Variants in AHI1 observed in about 807,000 individuals in gnomAD.
The protein encoded by AHI1 is jouberin.
Under a neutral mutation model 149.3 loss-of-function variants are expected in AHI1, and 123 were observed. The observed-to-expected ratio is 0.82, with a 90% CI of 0.71 to 0.96. The LOEUF is 0.96. Ranked by LOEUF, AHI1 falls within the 40% of genes least tolerant of loss-of-function variation. The probability of loss-of-function intolerance (pLI) is 0.00; values close to 1 mark genes in which losing one functional copy is unlikely to be tolerated. For missense variants in AHI1, 1,439 were observed against 1,422.7 expected, an observed-to-expected ratio of 1.01 and a Z score of -0.18; for synonymous variants, 475 against 459.8, an observed-to-expected ratio of 1.03 and a Z score of -0.42.
At position 135,284,741 on chromosome 6, in the gene AHI1, AC is replaced by A. The variant is rs1477568038; in HGVS notation, c.*903del. On this transcript the variant is annotated 3_prime_UTR_variant, in exon 29 of 29. Coordinates refer to ENST00000265602, the MANE Select transcript of AHI1 (RefSeq NM_001134831.2). ...ATTGTTGCCAGTCCAGCCAAAAATCACTTTTAATTTAGGTCTATGAAGTTAC... is the reference window on the plus strand; with the variant it reads ...ATTGTTGCCAGTCCAGCCAAAAATCATTTTAATTTAGGTCTATGAAGTTAC... The A allele has an allele frequency of 6.6e-6, 1 of 152,212 alleles. No individual in the cohort carries two copies. Among genetic ancestry groups the A allele is most frequent in the Admixed American group, 6.5e-5 (1 of 15,280 alleles). 9.4% of individuals were successfully genotyped at this position (152,212 alleles called of 1,614,324 possible).
At chr6:135,297,650 A>T (rs1783280185) in intron 27 of AHI1, among the ~76,000 whole-genome samples, 1 of 152,188 alleles carries the variant, frequency 6.6e-6, no homozygotes, top group Non-Finnish European at 1.5e-5. Context: ...GAGGTCACAC[A>T]CATGACAATA....
At chr6:135,417,722 T>A (rs540733114) in intron 20 of AHI1, among the ~76,000 whole-genome samples, 4 of 151,900 alleles carry the variant, frequency 2.6e-5, no homozygotes, top group African/African-American at 9.7e-5. Context: ...CCCTATTTTA[T>A]CTTTAACACC....
At chr6:135,345,874 G>A (rs573594253) in intron 24 of AHI1, among the ~76,000 whole-genome samples, 1 of 152,192 alleles carries the variant, frequency 6.6e-6, no homozygotes, top group Non-Finnish European at 1.5e-5. Flanking sequence ...TAAAGGAAGT[G>A]TAGTTGGTTA....
intron 27 of AHI1, among the ~76,000 whole-genome samples, chr6:135,295,105 C>A (rs1466950690): frequency 6.6e-6 from 1 of 151,970 alleles, no homozygotes; most frequent in Non-Finnish European, 1.5e-5. Context: ...TACAAATGAG[C>A]AAAAGATTTG....
intron 23 of AHI1, among the ~76,000 whole-genome samples, chr6:135,390,011 GT>G (rs3838320): frequency 6.6e-6 from 1 of 151,600 alleles, no homozygotes; most frequent in Non-Finnish European, 1.5e-5. Flanking sequence ...GTTTTTTTGT[GT>G]TTTTTTTATT....
At chr6:135,367,300 C>T (rs1421474204) in intron 23 of AHI1, among the ~76,000 whole-genome samples, 1 of 152,128 alleles carries the variant, frequency 6.6e-6, no homozygotes, top group African/African-American at 2.4e-5. Context: ...AGATTCTTTC[C>T]TTCATCTTGA....
intron 22 of AHI1, 109 bp from the exon 23 acceptor site, chr6:135,395,005 T>A: frequency 9.3e-7 from 1 of 1,080,276 alleles, no homozygotes; most frequent in East Asian, 2.6e-5. Context: ...ACATGATAGG[T>A]CAAAAGGAGT....
At chr6:135,429,076 G>C (rs1390160195) in intron 18 of AHI1, among the ~76,000 whole-genome samples, 1 of 151,586 alleles carries the variant, frequency 6.6e-6, no homozygotes, top group Non-Finnish European at 1.5e-5. Flanking sequence ...TAGCTATAGA[G>C]CAAGAGAGAC....
chr6:135,295,410 C>A (rs1782958281), intron 27 of AHI1, among the ~76,000 whole-genome samples: 1 of 152,136 alleles, frequency 6.6e-6, no homozygotes, highest in Admixed American at 6.5e-5. Context: ...CAAGATGTCA[C>A]CCAAGAAAAA....
At chr6:135,456,536 T>G (rs1788978115) in intron 9 of AHI1, among the ~76,000 whole-genome samples, 1 of 144,576 alleles carries the variant, frequency 6.9e-6, no homozygotes, top group Non-Finnish European at 1.5e-5. Flanking sequence ...CGCAGTGAGA[T>G]ATTGTCTCAA....
At chr6:135,395,997 T>C (rs1289039625) in intron 22 of AHI1, among the ~76,000 whole-genome samples, 1 of 151,806 alleles carries the variant, frequency 6.6e-6, no homozygotes, top group South Asian at 2.1e-4. Context: ...TTTACATGTT[T>C]GTAAATTTTT....
intron 5 of AHI1, among the ~76,000 whole-genome samples, chr6:135,479,071 C>T (rs1009116753): frequency 1.3e-5 from 2 of 152,250 alleles, no homozygotes; most frequent in Non-Finnish European, 2.9e-5. Context: ...TATAGAAATG[C>T]TTGGATGTCC....
chr6:135,388,179 T>TAG, intron 23 of AHI1: 1 of 857,006 alleles, frequency 1.2e-6, no homozygotes, highest in Non-Finnish European at 1.8e-6. Context: ...AGTGAATTAA[T>TAG]GCCTTTTACC....
intron 27 of AHI1, among the ~76,000 whole-genome samples, chr6:135,299,795 T>C (rs1783620842): frequency 6.6e-6 from 1 of 152,104 alleles, no homozygotes. Context: ...TTATAGAAAA[T>C]ATATAATGAC....
rs1291908829 is a variant in AHI1 at position 135,438,478 on chromosome 6, G to A, written c.1933C>T (p.Arg645Cys). Residue 645 changes from arginine (R) to cysteine (C), a missense_variant, in exon 15 of 29, where the codon CGT (arginine) becomes TGT (cysteine). Coordinates refer to ENST00000265602, the MANE Select transcript of AHI1 (RefSeq NM_001134831.2). ...TGGCCACACAATTCTCTCATGAAAC[G>A]TCCAGAAGGAATTTCATATACTAAT... ...PIILYEIPSG[R>C]FMRELCGHLN... 10 of 1,546,832 alleles carry A rather than the reference G, an allele frequency of 6.5e-6. No individual in the cohort carries two copies. Among genetic ancestry groups the A allele is most frequent in the African/African-American group, 1.4e-5 (1 of 72,964 alleles).
At chr6:135,310,039 G>T (rs1315948214) in intron 26 of AHI1, among the ~76,000 whole-genome samples, 1 of 151,994 alleles carries the variant, frequency 6.6e-6, no homozygotes, top group African/African-American at 2.4e-5. Flanking sequence ...CAATAGAAAA[G>T]AAGCAACAAT....
At chr6:135,424,265 T>C (rs1783632245) in intron 20 of AHI1, among the ~76,000 whole-genome samples, 2 of 152,024 alleles carry the variant, frequency 1.3e-5, no homozygotes, top group Admixed American at 1.3e-4. Context: ...CATAAGATTA[T>C]TGCAGAAACT....
chr6:135,492,471 G>C, intron 3 of AHI1, 180 bp from the exon 4 acceptor site: 2 of 1,223,494 alleles, frequency 1.6e-6, no homozygotes, highest in Non-Finnish European at 2.0e-6. Context: ...ATCAGTTTAG[G>C]GCTCTAAAAT....
chr6:135,432,015 T>G (rs1784732803), intron 16 of AHI1, among the ~76,000 whole-genome samples: 1 of 90,252 alleles, frequency 1.1e-5, no homozygotes, highest in South Asian at 3.7e-4. Context: ...TTTTTTTTTT[T>G]GCACATTTGG....
Sources: allele counts gnomAD v4.1 joint callset (sites outside exome capture counted in the v4.1 genomes callset), GRCh38; gene constraint gnomAD v4.1.1; transcripts MANE v1.5; gene names NCBI Gene and HGNC (gene_info 2026-07-23, HGNC 2026-07-21).